Variants in AGBL4 observed in about 807,000 individuals in gnomAD.
The protein encoded by AGBL4 is cytosolic carboxypeptidase 6.
Under a neutral mutation model 66.4 loss-of-function variants are expected in AGBL4, and 58 were observed. That is an observed-to-expected ratio of 0.87 (90% confidence interval 0.71 to 1.09). The LOEUF (loss-of-function observed/expected upper bound fraction) is 1.09. Ranked by LOEUF, AGBL4 falls within the 50% of genes least tolerant of loss-of-function variation. AGBL4 has a pLI of 0.00. For missense variants in AGBL4, 579 were observed against 631.0 expected (o/e 0.92, Z 0.88); for synonymous variants, 234 against 222.9 (o/e 1.05, Z -0.44).
In AGBL4 at chr1:48,968,381, C is replaced by T. The variant is rs1013649343; in HGVS notation, c.594+77203G>A. Among the ~76,000 whole-genome samples the T allele has an allele frequency of 4.6e-5, 7 of 152,196 alleles. No individual in the cohort carries two copies. The East Asian group carries it at 7.7e-4, about 17-fold the overall frequency. On this transcript the variant is annotated intron_variant, in intron 5 of 13. Transcript: ENST00000371839. ...TAGAAAAATGAAATTATAGGACTCTCATTTTAAAAGGAGCAATCTGGTTTC... is the reference window on the plus strand; with the variant it reads ...TAGAAAAATGAAATTATAGGACTCTTATTTTAAAAGGAGCAATCTGGTTTC...
chr1:48,701,253 A>G (rs574219992), intron 6 of AGBL4, among the ~76,000 whole-genome samples: 2 of 152,146 alleles, frequency 1.3e-5, no homozygotes, highest in East Asian at 3.9e-4. Flanking sequence ...TCATCCACAC[A>G]TTCAGACCTG....
intron 5 of AGBL4, among the ~76,000 whole-genome samples, chr1:48,932,912 AAC>A (rs201626426): frequency 2.0e-5 from 3 of 151,220 alleles, no homozygotes; most frequent in Non-Finnish European, 3.0e-5. Flanking sequence ...AACAGGTAAA[AAC>A]ACACACACAC....
At chr1:48,628,412 C>G (rs1278239699) in intron 9 of AGBL4, among the ~76,000 whole-genome samples, 1 of 152,154 alleles carries the variant, frequency 6.6e-6, no homozygotes, top group Non-Finnish European at 1.5e-5. Flanking sequence ...TGGAATATTC[C>G]TAACAAGCGG....
At position 49,753,230 on chromosome 1, in the gene AGBL4, G is replaced by T. The variant is rs374494670; in HGVS notation, c.158-55793C>A. 2.5e-4 allele frequency among the ~76,000 whole-genome samples: 38 copies of T among 152,320 alleles called. 2 individuals are homozygous for T. Among genetic ancestry groups the T allele is most frequent in the African/African-American group, 9.1e-4 (38 of 41,572 alleles). ...CTGGTTTATGCTTTCCATATTTAGT[G>T]CTTCCTTCAGGAGCTCTTGCACGGG... On this transcript the variant is annotated intron_variant, in intron 2 of 13. Transcript: ENST00000371839.
In AGBL4 at chr1:49,113,680, TAAG is replaced by T. The variant is rs541961985; in HGVS notation, c.378-67883_378-67881del. ...AGCCTTATAAAATGTATTTCTTAAA[TAAG>T]AAGACTTGAAAGTTGAAATAACTTG... On this transcript the variant is annotated intron_variant, in intron 4 of 13. Transcript: ENST00000371839. Among the ~76,000 whole-genome samples the T allele has an allele frequency of 1.3e-3, 195 of 152,338 alleles. 2 individuals carry two copies. The East Asian group carries it at 0.02, about 16-fold the overall frequency.
chr1:49,654,970 G>A (rs981060283), intron 3 of AGBL4, among the ~76,000 whole-genome samples: 2 of 152,164 alleles, frequency 1.3e-5, no homozygotes, highest in East Asian at 3.9e-4. Context: ...TCATGATGAT[G>A]TTAGCTGGTT....
At chr1:48,589,722 C>T (rs1487185300) in intron 10 of AGBL4, among the ~76,000 whole-genome samples, 2 of 152,160 alleles carry the variant, frequency 1.3e-5, no homozygotes, top group Non-Finnish European at 2.9e-5. Context: ...TGCATTTGCC[C>T]TTCCAGGAAG....
At chr1:48,895,588 A>T (rs1651424852) in intron 5 of AGBL4, among the ~76,000 whole-genome samples, 1 of 152,246 alleles carries the variant, frequency 6.6e-6, no homozygotes, top group South Asian at 2.1e-4. Context: ...TAATCAATCA[A>T]GCGAGTTGAT....
intron 3 of AGBL4, among the ~76,000 whole-genome samples, chr1:49,348,028 A>G (rs1645670554): frequency 6.6e-6 from 1 of 152,144 alleles, no homozygotes; most frequent in African/African-American, 2.4e-5. Flanking sequence ...TTTATGGCAA[A>G]GGCTTTGCAG....
intron 4 of AGBL4, among the ~76,000 whole-genome samples, chr1:49,152,222 A>G (rs1646349934): frequency 6.6e-6 from 1 of 152,172 alleles, no homozygotes; most frequent in South Asian, 2.1e-4. Context: ...CCACTATGCT[A>G]TGAGCACTGA....
chr1:48,538,826 G>A (rs919556608), intron 12 of AGBL4, among the ~76,000 whole-genome samples: 3 of 152,222 alleles, frequency 2.0e-5, no homozygotes, highest in African/African-American at 7.2e-5. Context: ...TCATGGCAAA[G>A]GTCAGTGGAA....
chr1:49,955,710 A>T (rs1445276641), intron 1 of AGBL4, among the ~76,000 whole-genome samples: 2 of 151,862 alleles, frequency 1.3e-5, no homozygotes, highest in Non-Finnish European at 2.9e-5. Flanking sequence ...GGGTAGTGAA[A>T]GTGGTATTGA....
chr1:49,569,919 T>C (rs1644293066), intron 3 of AGBL4, among the ~76,000 whole-genome samples: 1 of 152,180 alleles, frequency 6.6e-6, no homozygotes, highest in Non-Finnish European at 1.5e-5. Context: ...ATGATTTCAT[T>C]CTTTTTATGG....
At chr1:49,518,694 C>T (rs898874808) in intron 3 of AGBL4, among the ~76,000 whole-genome samples, 1 of 151,868 alleles carries the variant, frequency 6.6e-6, no homozygotes. Context: ...GCAAAAGCAC[C>T]TTGATACTAT....
At chr1:49,852,303 T>C (rs904120741) in intron 1 of AGBL4, among the ~76,000 whole-genome samples, 3 of 152,140 alleles carry the variant, frequency 2.0e-5, no homozygotes, top group Non-Finnish European at 2.9e-5. Context: ...CAAGAAGAAG[T>C]AATGCTGGGT....
chr1:49,697,130 C>G, intron 3 of AGBL4, 183 bp downstream of exon 3: 1 of 546,838 alleles, frequency 1.8e-6, no homozygotes, highest in Non-Finnish European at 3.1e-6. Context: ...TAATAACCAT[C>G]AGATAACAAA....
At chr1:48,727,991 T>A (rs1434541772) in intron 6 of AGBL4, 1 of 1,612,760 alleles carries the variant, frequency 6.2e-7, no homozygotes, top group East Asian at 2.2e-5. Flanking sequence ...AGAGTCTCTG[T>A]GCAATTTCAG....
At chr1:48,619,316 C>T (rs1645370618) in intron 9 of AGBL4, among the ~76,000 whole-genome samples, 1 of 152,162 alleles carries the variant, frequency 6.6e-6, no homozygotes, top group Admixed American at 6.5e-5. Flanking sequence ...AAAACAAGCA[C>T]GTAAACAGAT....
At chr1:49,529,674 C>T (rs1048694325) in intron 3 of AGBL4, among the ~76,000 whole-genome samples, 4 of 152,028 alleles carry the variant, frequency 2.6e-5, no homozygotes, top group Non-Finnish European at 4.4e-5. Flanking sequence ...AAGACCCTGT[C>T]TCAAATAATA....
Sources: allele counts gnomAD v4.1 joint callset (sites outside exome capture counted in the v4.1 genomes callset), GRCh38; gene constraint gnomAD v4.1.1; transcripts MANE v1.5; gene names NCBI Gene and HGNC (gene_info 2026-07-23, HGNC 2026-07-21).